The following TMEM266 variants were observed in gnomAD, a reference collection of about 807,000 sequenced individuals.
The protein encoded by TMEM266 is transmembrane protein 266.
TMEM266 carries 33 observed loss-of-function variants against 50.5 expected under a neutral mutation model. The ratio of observed to expected loss-of-function variants is 0.65; its 90% CI spans 0.50 to 0.87. The LOEUF is 0.87. TMEM266 is among the 40% of genes least tolerant of loss of function. The pLI, the probability that TMEM266 is intolerant of heterozygous loss-of-function variation, is 0.00. For missense variants in TMEM266, 655 were observed against 695.1 expected, an observed-to-expected ratio of 0.94 and a Z score of 0.65; for synonymous variants, 310 against 292.3, an observed-to-expected ratio of 1.06 and a Z score of -0.62.
At position 76,128,740 on chromosome 15, in the gene TMEM266, C is replaced by T. The variant is rs1024765806; in HGVS notation, c.-96-5428C>T. 9.2e-5 allele frequency among the ~76,000 whole-genome samples: 14 copies of T among 152,340 alleles called. No homozygotes were observed. In the East Asian group the frequency reaches 2.7e-3, roughly 29 times the overall value. ...TAAAACCTCCAGCTGAAGCCACCTG[C>T]TTATTGTCCATCTAAATATGATTTT... On this transcript the variant is annotated intron_variant, in intron 1 of 10. Coordinates refer to ENST00000388942, the MANE Select transcript of TMEM266 (RefSeq NM_152335.3).
intron 1 of TMEM266, among the ~76,000 whole-genome samples, chr15:76,115,414 A>G (rs1192384689): frequency 1.3e-5 from 2 of 152,240 alleles, no homozygotes; most frequent in Non-Finnish European, 2.9e-5. Flanking sequence ...ACCTAAATCA[A>G]AACCTTGGTC....
intron 9 of TMEM266, among the ~76,000 whole-genome samples, chr15:76,196,358 T>A (rs2038656525): frequency 6.6e-6 from 1 of 152,140 alleles, no homozygotes; most frequent in South Asian, 2.1e-4. Context: ...GCAAAGCCAG[T>A]GCCTCCAAGG....
At chr15:76,148,659 A>G (rs1429635993) in intron 3 of TMEM266, among the ~76,000 whole-genome samples, 2 of 152,090 alleles carry the variant, frequency 1.3e-5, no homozygotes. Flanking sequence ...CAGCCAATCC[A>G]TGGTGTGTGT....
At chr15:76,155,467 G>C (rs1018099) in intron 3 of TMEM266, among the ~76,000 whole-genome samples, 77,785 of 151,928 alleles carry the variant, frequency 0.51, 20,077 homozygotes, top group South Asian at 0.61. Flanking sequence ...TCGGAGGCCT[G>C]ACCTCTGCTG....
At position 76,204,482 on chromosome 15, in the gene TMEM266, T is replaced by G; in HGVS notation, c.*167T>G. ...ACGCCAGGCCAGGAGGCCACAAGCT[T>G]CAGACCTCAAAGCCCAGAGCTGGCG... On this transcript the variant is annotated 3_prime_UTR_variant, in exon 11 of 11. Transcript: ENST00000388942. The G allele has an allele frequency of 1.7e-6, 1 of 600,592 alleles. No individual in the cohort carries two copies. The highest frequency in any genetic ancestry group is 2.9e-6 in the Non-Finnish European group (1 of 346,964). The allele number at this position is 600,592 out of a possible 1,614,324, so 37.2% of individuals were successfully genotyped here.
intron 1 of TMEM266, among the ~76,000 whole-genome samples, chr15:76,080,497 C>T (rs2036675034): frequency 6.6e-6 from 1 of 151,560 alleles, no homozygotes; most frequent in Non-Finnish European, 1.5e-5. Context: ...GATCCGCCCG[C>T]CTTAGCCTCC....
At position 76,154,685 on chromosome 15, in the gene TMEM266, C is replaced by T. The variant is rs117857112; in HGVS notation, c.228-1919C>T. Among the ~76,000 whole-genome samples, 94 of 152,258 alleles carry T rather than the reference C, an allele frequency of 6.2e-4. 1 individual carries two copies. In the Middle Eastern group the frequency reaches 0.014, roughly 22 times the overall value. On this transcript the variant is annotated intron_variant, in intron 3 of 10. Coordinates refer to ENST00000388942, the MANE Select transcript of TMEM266 (RefSeq NM_152335.3). ...CCTACCTGTCTTTCTGGGAGCAGCT[C>T]CCTGAGTTTGGGGACTGGACACCAG...
chr15:76,131,645 A>G lies in TMEM266; in HGVS notation c.-96-2523A>G, dbSNP rs572142112. ...ATAAAATGGATATGAAATCCCAAATACTATAGAGGACAGTTCTGTTTTTCA... is the reference window on the plus strand; with the variant it reads ...ATAAAATGGATATGAAATCCCAAATGCTATAGAGGACAGTTCTGTTTTTCA... On this transcript the variant is annotated intron_variant, in intron 1 of 10. Coordinates refer to ENST00000388942, the MANE Select transcript of TMEM266 (RefSeq NM_152335.3). 2.0e-5 allele frequency among the ~76,000 whole-genome samples: 3 copies of G among 152,366 alleles called. No homozygotes were observed. In the South Asian group the frequency reaches 6.2e-4, roughly 32 times the overall value.
intron 1 of TMEM266, among the ~76,000 whole-genome samples, chr15:76,081,820 G>A (rs1026093644): frequency 1.3e-5 from 2 of 152,184 alleles, no homozygotes; most frequent in African/African-American, 4.8e-5. Flanking sequence ...TGGCACAGCT[G>A]GAAGAGTGCC....
At chr15:76,108,785 C>T (rs1204510540) in intron 1 of TMEM266, among the ~76,000 whole-genome samples, 1 of 152,104 alleles carries the variant, frequency 6.6e-6, no homozygotes, top group African/African-American at 2.4e-5. Context: ...TGAAAACCTT[C>T]CCTGTACACA....
chr15:76,097,506 G>A (rs1419227042), intron 1 of TMEM266, among the ~76,000 whole-genome samples: 3 of 151,942 alleles, frequency 2.0e-5, no homozygotes, highest in Non-Finnish European at 4.4e-5. Flanking sequence ...TGGGTAACCC[G>A]ACCTTTCTGG....
intron 7 of TMEM266, among the ~76,000 whole-genome samples, chr15:76,174,120 C>T (rs932214611): frequency 6.6e-6 from 1 of 152,104 alleles, no homozygotes; most frequent in Non-Finnish European, 1.5e-5. Flanking sequence ...TGCTTCCGTG[C>T]CAACTATCAC....
intron 3 of TMEM266, among the ~76,000 whole-genome samples, chr15:76,148,089 C>CCT (rs2037783018): frequency 6.6e-6 from 1 of 152,208 alleles, no homozygotes; most frequent in African/African-American, 2.4e-5. Context: ...GGCGGGTGAC[C>CCT]GCTAGATGGC....
chr15:76,136,624 C>T (rs2037592704), intron 2 of TMEM266, among the ~76,000 whole-genome samples: 1 of 152,150 alleles, frequency 6.6e-6, no homozygotes. Context: ...TACAATTGTT[C>T]CTTTCTAACT....
At chr15:76,123,529 G>A (rs917088560) in intron 1 of TMEM266, among the ~76,000 whole-genome samples, 1 of 152,098 alleles carries the variant, frequency 6.6e-6, no homozygotes, top group African/African-American at 2.4e-5. Flanking sequence ...CCAACATTTG[G>A]CCAGTCTTGT....
Position 76,171,013 on chromosome 15 carries a change from C to CAG in TMEM266, c.535_536insGA (p.Ile179ArgfsTer35). 1 of 1,612,936 alleles carries CAG rather than the reference C, an allele frequency of 6.2e-7. No homozygotes were observed. Among genetic ancestry groups the CAG allele is most frequent in the South Asian group, 1.1e-5 (1 of 90,714 alleles). ...CACAGGTGTTTGACGGGGCTGTGATCATCCTATCTTTGGCTCCGATGGTGG... is the reference window on the plus strand; with the variant it reads ...CACAGGTGTTTGACGGGGCTGTGATCAGATCCTATCTTTGGCTCCGATGGTGG... On this transcript the variant is annotated frameshift_variant, in exon 7 of 11. Coordinates refer to ENST00000388942, the MANE Select transcript of TMEM266 (RefSeq NM_152335.3). LOFTEE classifies it high-confidence loss of function.
rs1045528847 is a variant in TMEM266, at chr15:76,111,243, G to C, written c.-96-22925G>C. Among the ~76,000 whole-genome samples, 5 of 152,188 alleles carry C rather than the reference G, an allele frequency of 3.3e-5. No homozygotes were observed. The East Asian group carries it at 5.8e-4, about 18-fold the overall frequency. Reference sequence around the variant, plus strand: ...TTACAGGTGTGCGCCACAATGCCCAGCTAATTTTTGTATTTTTAGCAGAGA... The same window carrying C: ...TTACAGGTGTGCGCCACAATGCCCACCTAATTTTTGTATTTTTAGCAGAGA... On this transcript the variant is annotated intron_variant, in intron 1 of 10. Coordinates refer to ENST00000388942, the MANE Select transcript of TMEM266 (RefSeq NM_152335.3).
Position 76,083,277 on chromosome 15 carries a change from G to A in TMEM266, c.-97+23261G>A, listed in dbSNP as rs1292306199. Among the ~76,000 whole-genome samples, 3 of 148,420 alleles carry A rather than the reference G, an allele frequency of 2.0e-5. No individual in the cohort carries two copies. The East Asian group carries it at 6.0e-4, about 30-fold the overall frequency. Reference sequence around the variant, plus strand: ...GTTGGAGTCTTGCTCTGTCGCCCAGGCTGGAGTGCAGTGGTGCGATCTCAG... The same window carrying A: ...GTTGGAGTCTTGCTCTGTCGCCCAGACTGGAGTGCAGTGGTGCGATCTCAG... On this transcript the variant is annotated intron_variant, in intron 1 of 10. Transcript: ENST00000388942.
intron 9 of TMEM266, among the ~76,000 whole-genome samples, chr15:76,201,831 A>G (rs766289484): frequency 5.3e-5 from 8 of 152,194 alleles, no homozygotes; most frequent in Non-Finnish European, 1.5e-5. Flanking sequence ...CAGTGTTTCC[A>G]GTGCCCTTGA....
Sources: allele counts gnomAD v4.1 joint callset (sites outside exome capture counted in the v4.1 genomes callset), GRCh38; gene constraint gnomAD v4.1.1; transcripts MANE v1.5; gene names NCBI Gene and HGNC (gene_info 2026-07-23, HGNC 2026-07-21).